RELN: variants seen among roughly 807,000 people sequenced by gnomAD.
The protein encoded by RELN is reelin.
In RELN, 108 loss-of-function variants were observed where a neutral mutation model predicts 427.6. The ratio of observed to expected loss-of-function variants is 0.25; its 90% CI spans 0.22 to 0.30. The LOEUF is 0.30. Among genes scored for constraint, RELN ranks in the 10% least tolerant of loss-of-function variants. RELN has a pLI of 1.00. For missense variants in RELN, 3,715 were observed against 4,302.8 expected, an observed-to-expected ratio of 0.86 and a Z score of 3.82; for synonymous variants, 1,524 against 1,513.4, an observed-to-expected ratio of 1.01 and a Z score of -0.16.
At chr7:103,853,537 C>T (rs552027974) in intron 2 of RELN, among the ~76,000 whole-genome samples, 7 of 151,928 alleles carry the variant, frequency 4.6e-5, no homozygotes, top group Non-Finnish European at 8.8e-5. Flanking sequence ...ATTGGCAAAC[C>T]TGACATCATT....
At position 103,500,837 on chromosome 7, in the gene RELN, T is replaced by C. The variant is rs1829002656; in HGVS notation, c.8575A>G (p.Asn2859Asp). Residue 2859 changes from asparagine (N) to aspartate (D), a missense_variant, in exon 53 of 65, where the codon AAC (asparagine) becomes GAC (aspartate). This residue lies in a region of RELN where 1,310 missense variants were observed against 1,643.0 expected (regional missense o/e 0.80). Coordinates refer to ENST00000428762, the MANE Select transcript of RELN (RefSeq NM_005045.4). ...NFYLGPGCLD[N>D]CRGHGDCLRE... is the part of the protein sequence containing the mutation. The stretch of plus-strand genomic sequence containing the variant: ...AAGCAATCTCCATGGCCCCTGCAGT[T>C]GTCCAAGCATCCAGGGCCCAGGTAG... 6 of 1,614,144 alleles carry C rather than the reference T, an allele frequency of 3.7e-6. No individual in the cohort carries two copies. The highest frequency in any genetic ancestry group is 3.4e-6 in the Non-Finnish European group (4 of 1,179,992).
chr7:103,655,605 G>A (rs2117398370), intron 12 of RELN, among the ~76,000 whole-genome samples: 1 of 152,190 alleles, frequency 6.6e-6, no homozygotes, highest in African/African-American at 2.4e-5. Flanking sequence ...TGATCTTGGG[G>A]AGAAATGACT....
chr7:103,642,349 G>T lies in RELN; in HGVS notation c.2003-1740C>A, dbSNP rs1192560133. 1.2e-3 allele frequency among the ~76,000 whole-genome samples: 130 copies of T among 112,722 alleles called. No homozygotes were observed. In the East Asian group the frequency reaches 0.012, roughly 10 times the overall value. 74.0% of individuals were successfully genotyped at this position (112,722 alleles called of 152,430 possible). ...AGTGAAATGGGAGAGATTTCATAGT[G>T]TTTTTTTTTTTTTTTTTTGGCAAGT... On this transcript the variant is annotated intron_variant, in intron 16 of 64. Coordinates refer to ENST00000428762, the MANE Select transcript of RELN (RefSeq NM_005045.4).
At chr7:103,777,853 A>G (rs1213868930) in intron 3 of RELN, among the ~76,000 whole-genome samples, 1 of 151,296 alleles carries the variant, frequency 6.6e-6, no homozygotes, top group Non-Finnish European at 1.5e-5. Flanking sequence ...CTTCAAGCTA[A>G]CATATTTCAG....
intron 46 of RELN, among the ~76,000 whole-genome samples, chr7:103,532,156 C>A (rs1392253655): frequency 1.3e-5 from 2 of 152,138 alleles, no homozygotes; most frequent in Non-Finnish European, 1.5e-5. Context: ...GTGGATGGAG[C>A]TGGAAGCCAT....
rs974735537 is a variant in RELN at position 103,989,053 on chromosome 7, G to A, written c.226+78C>T. On this transcript the variant is annotated intron_variant, in intron 1 of 64. Transcript: ENST00000428762. The surrounding 1 kb of genome is among the most constrained non-coding windows in gnomAD (Gnocchi z 4.9). The stretch of plus-strand genomic sequence containing the variant: ...TGGTTCTTGTTTCCAAGGCCCCTTG[G>A]AAGAAGGAAAGGGATGAGAAAGGTG... The A allele has an allele frequency of 5.4e-5, 71 of 1,325,170 alleles. No individual in the cohort carries two copies. Among genetic ancestry groups the A allele is most frequent in the Non-Finnish European group, 7.3e-5 (67 of 919,738 alleles). The allele number at this position is 1,325,170 out of a possible 1,614,324, so 82.1% of individuals were successfully genotyped here. A position where few individuals can be genotyped will look rare whatever the true frequency, so the allele number is the denominator to read the frequency against.
chr7:103,961,922 G>A (rs115533108), intron 1 of RELN, among the ~76,000 whole-genome samples: 1,947 of 152,222 alleles, frequency 0.013, 50 homozygotes, highest in African/African-American at 0.044. Flanking sequence ...CCATTGGAAG[G>A]TCTTTCTGTC....
chr7:103,864,848 A>T (rs755319305), intron 2 of RELN, among the ~76,000 whole-genome samples: 2 of 151,970 alleles, frequency 1.3e-5, no homozygotes, highest in African/African-American at 2.4e-5. Context: ...TTGGAAATGA[A>T]AGAGGAGTCA....
At chr7:103,770,654 A>ATTG (rs1554416061) in intron 4 of RELN, among the ~76,000 whole-genome samples, 1 of 110,874 alleles carries the variant, frequency 9.0e-6, no homozygotes, top group African/African-American at 4.4e-5. Context: ...TTTTTTAAAA[A>ATTG]TTTTTTTTTT....
At chr7:103,835,208 G>A (rs1489986664) in intron 2 of RELN, among the ~76,000 whole-genome samples, 1 of 152,196 alleles carries the variant, frequency 6.6e-6, no homozygotes, top group African/African-American at 2.4e-5. Context: ...AGGCTACATA[G>A]TGTATAATTC....
chr7:103,533,801 G>A (rs1416186555), intron 46 of RELN, among the ~76,000 whole-genome samples: 1 of 152,196 alleles, frequency 6.6e-6, no homozygotes, highest in Admixed American at 6.5e-5. Flanking sequence ...ACTAGCTGGA[G>A]TAAATCTTAG....
intron 7 of RELN, 89 bp downstream of exon 7, chr7:103,728,022 G>C (rs1790256768): frequency 8.2e-7 from 1 of 1,213,166 alleles, no homozygotes; most frequent in South Asian, 1.3e-5. Flanking sequence ...ATTTTCATCT[G>C]AACTTTAAGA....
chr7:103,555,069 T>C (rs1479427781), intron 38 of RELN, among the ~76,000 whole-genome samples: 1 of 152,228 alleles, frequency 6.6e-6, no homozygotes, highest in African/African-American at 2.4e-5. Flanking sequence ...ACTGTGGGAA[T>C]ATATAGGAAA....
chr7:103,743,057 T>A (rs1002908811), intron 6 of RELN, among the ~76,000 whole-genome samples: 1 of 149,470 alleles, frequency 6.7e-6, no homozygotes, highest in Admixed American at 6.6e-5. Flanking sequence ...GACTAACAGC[T>A]GATCTCTCAG....
intron 41 of RELN, among the ~76,000 whole-genome samples, chr7:103,550,842 A>G (rs2117152438): frequency 6.6e-6 from 1 of 152,238 alleles, no homozygotes; most frequent in African/African-American, 2.4e-5. Context: ...GAACCCCACT[A>G]CAGGGTGCAG....
At chr7:103,565,126 C>A (rs1470842082) in intron 34 of RELN, 152 bp downstream of exon 34, 1 of 985,500 alleles carries the variant, frequency 1.0e-6, no homozygotes, top group African/African-American at 1.6e-5. Flanking sequence ...AAACTTGCAA[C>A]CCAAAGCACC....
chr7:103,637,444 G>A (rs1431194617), intron 17 of RELN, among the ~76,000 whole-genome samples: 3 of 152,160 alleles, frequency 2.0e-5, no homozygotes, highest in Non-Finnish European at 4.4e-5. Flanking sequence ...CAGTACTACT[G>A]AGACTTGGGT....
At chr7:103,796,580 G>A (rs1277938910) in intron 3 of RELN, among the ~76,000 whole-genome samples, 2 of 152,116 alleles carry the variant, frequency 1.3e-5, no homozygotes, top group Non-Finnish European at 2.9e-5. Context: ...GAAAGTAAAT[G>A]GATACAGTCT....
chr7:103,561,516 C>A lies in RELN; in HGVS notation c.5529+16G>T. 6.3e-7 allele frequency: 1 copy of A among 1,594,072 alleles called. No individual in the cohort carries two copies. The highest frequency in any genetic ancestry group is 8.6e-7 in the Non-Finnish European group (1 of 1,162,000). ...TAGTAGTAATGTTGGGAAGGAGAAT[C>A]TTATCTGTATCTGACCCCTTTAAAA... On this transcript the variant is annotated intron_variant, in intron 36 of 64. Transcript: ENST00000428762.
Sources: allele counts gnomAD v4.1 joint callset (sites outside exome capture counted in the v4.1 genomes callset), GRCh38; gene constraint gnomAD v4.1.1; regional missense constraint gnomAD v4.1.1; non-coding constraint Gnocchi (gnomAD v3.1); transcripts MANE v1.5; gene names NCBI Gene and HGNC (gene_info 2026-07-23, HGNC 2026-07-21).